CCSER2: variants seen among roughly 807,000 people sequenced by gnomAD.
The protein encoded by CCSER2 is serine-rich coiled-coil domain-containing protein 2.
In CCSER2, 46 loss-of-function variants were observed where a neutral mutation model predicts 92.3. The ratio of observed to expected loss-of-function variants is 0.50; its 90% CI spans 0.39 to 0.64. CCSER2 has a LOEUF of 0.64. Ranked by LOEUF, CCSER2 falls within the 30% of genes least tolerant of loss-of-function variation. The probability of loss-of-function intolerance (pLI) is 0.00; values close to 1 mark genes in which losing one functional copy is unlikely to be tolerated. For synonymous variants in CCSER2, 433 were observed against 431.4 expected (o/e 1.00, Z -0.04); for missense variants, 1,244 against 1,238.9 (o/e 1.00, Z -0.06).
intron 9 of CCSER2, chr10:84,499,990 T>C (rs760876097): frequency 6.2e-7 from 1 of 1,613,892 alleles, no homozygotes; most frequent in Admixed American, 1.7e-5. Context: ...CCTATCCTGC[T>C]CTGGCTTCCC....
At chr10:84,368,213 C>T (rs151127278) in intron 1 of CCSER2, among the ~76,000 whole-genome samples, 157 of 152,238 alleles carry the variant, frequency 1.0e-3, no homozygotes, top group East Asian at 3.3e-3. Flanking sequence ...TTAAAATTTT[C>T]AAGTTTTTTA....
intron 7 of CCSER2, among the ~76,000 whole-genome samples, chr10:84,469,503 T>C (rs538070745): frequency 2.0e-5 from 3 of 152,288 alleles, no homozygotes; most frequent in African/African-American, 7.2e-5. Flanking sequence ...GTTCCCGATG[T>C]AGCTAAAGGG....
chr10:84,459,631 T>C (rs780578832), intron 6 of CCSER2, among the ~76,000 whole-genome samples: 7 of 152,112 alleles, frequency 4.6e-5, no homozygotes, highest in African/African-American at 7.2e-5. Context: ...CAGGTGATTC[T>C]CCCACCTCAT....
chr10:84,333,333 T>C (rs952928655), intron 1 of CCSER2, among the ~76,000 whole-genome samples: 2 of 152,180 alleles, frequency 1.3e-5, no homozygotes, highest in Non-Finnish European at 2.9e-5. Context: ...TGCTGGTTCT[T>C]GGCATGGAGT....
At chr10:84,401,366 C>T (rs952328309) in intron 3 of CCSER2, among the ~76,000 whole-genome samples, 2 of 151,994 alleles carry the variant, frequency 1.3e-5, no homozygotes, top group Non-Finnish European at 2.9e-5. Context: ...AAAAAGATAC[C>T]GCTACAAACT....
intron 6 of CCSER2, among the ~76,000 whole-genome samples, chr10:84,460,506 ATTAAT>A (rs1163266045): frequency 3.3e-5 from 5 of 151,826 alleles, no homozygotes; most frequent in African/African-American, 7.3e-5. Context: ...AATTGATTTT[ATTAAT>A]TTAATTTGAT....
intron 1 of CCSER2, among the ~76,000 whole-genome samples, chr10:84,367,155 C>T (rs1369202848): frequency 2.0e-5 from 3 of 151,810 alleles, no homozygotes; most frequent in African/African-American, 7.3e-5. Flanking sequence ...ATTTCATTAA[C>T]TTAAATAGGA....
At chr10:84,458,676 C>T (rs1022286954) in intron 6 of CCSER2, among the ~76,000 whole-genome samples, 1 of 152,054 alleles carries the variant, frequency 6.6e-6, no homozygotes, top group Non-Finnish European at 1.5e-5. Context: ...AGGATATCTC[C>T]ATTTATTTAG....
intron 9 of CCSER2, among the ~76,000 whole-genome samples, chr10:84,487,196 C>T (rs1416090149): frequency 6.6e-6 from 1 of 152,154 alleles, no homozygotes; most frequent in Non-Finnish European, 1.5e-5. Flanking sequence ...CAGCTTTGTT[C>T]TTTTGGCTTA....
intron 6 of CCSER2, among the ~76,000 whole-genome samples, chr10:84,446,113 A>G (rs564048038): frequency 6.6e-6 from 1 of 152,278 alleles, no homozygotes; most frequent in African/African-American, 2.4e-5. Flanking sequence ...ATCATATCAC[A>G]GTCATCATCT....
chr10:84,484,996 T>C (rs1284562433), intron 9 of CCSER2, among the ~76,000 whole-genome samples: 1 of 152,214 alleles, frequency 6.6e-6, no homozygotes, highest in Non-Finnish European at 1.5e-5. Flanking sequence ...AAATCTGTAT[T>C]TTTCAATACC....
At chr10:84,487,142 T>C (rs548594588) in intron 9 of CCSER2, among the ~76,000 whole-genome samples, 1 of 152,252 alleles carries the variant, frequency 6.6e-6, no homozygotes, top group Non-Finnish European at 1.5e-5. Flanking sequence ...TTTTGGTTAC[T>C]GTAGCCTTGT....
intron 3 of CCSER2, among the ~76,000 whole-genome samples, chr10:84,404,275 C>CT (rs1842266538): frequency 6.6e-6 from 1 of 152,226 alleles, no homozygotes; most frequent in Non-Finnish European, 1.5e-5. Context: ...TCGAAACAAA[C>CT]TTACCCCTCC....
intron 5 of CCSER2, among the ~76,000 whole-genome samples, chr10:84,436,102 G>A (rs1020799982): frequency 6.6e-6 from 1 of 152,050 alleles, no homozygotes; most frequent in African/African-American, 2.4e-5. Flanking sequence ...GGGCGAGGCG[G>A]GCGAATCACG....
At chr10:84,358,385 A>C (rs1845304665) in intron 1 of CCSER2, among the ~76,000 whole-genome samples, 1 of 152,058 alleles carries the variant, frequency 6.6e-6, no homozygotes, top group Admixed American at 6.6e-5. Flanking sequence ...GAGGAGATTC[A>C]TGTCTTTTCC....
intron 3 of CCSER2, among the ~76,000 whole-genome samples, chr10:84,379,444 T>G (rs1390928888): frequency 6.6e-6 from 1 of 152,114 alleles, no homozygotes; most frequent in African/African-American, 2.4e-5. Context: ...TTTTCTTTAG[T>G]TTAATTTGTT....
intron 9 of CCSER2, among the ~76,000 whole-genome samples, chr10:84,495,673 GA>G (rs758338236): frequency 5.3e-5 from 8 of 151,866 alleles, no homozygotes; most frequent in Admixed American, 1.3e-4. Context: ...CTTCTTGGTA[GA>G]TTAACCTTTT....
rs1240622976 is a variant in CCSER2 at position 84,514,458 on chromosome 10, G to T, written c.*191G>T. On this transcript the variant is annotated 3_prime_UTR_variant, in exon 10 of 10. Transcript: ENST00000372088. ...CCTGGTTGAAGTACATGCCATTTGA[G>T]CATAATTATCTCAGGTAAACACGAA... 2 of 557,794 alleles carry T rather than the reference G, an allele frequency of 3.6e-6. No individual in the cohort carries two copies. The highest frequency in any genetic ancestry group is 6.2e-6 in the Non-Finnish European group (2 of 320,300). 34.6% of individuals were successfully genotyped at this position (557,794 alleles called of 1,614,324 possible).
At chr10:84,416,742 C>T (rs1028159529) in intron 3 of CCSER2, among the ~76,000 whole-genome samples, 3 of 152,086 alleles carry the variant, frequency 2.0e-5, no homozygotes, top group African/African-American at 7.2e-5. Flanking sequence ...TCCTGGCCAA[C>T]ACAGTGAAAC....
Sources: allele counts gnomAD v4.1 joint callset (sites outside exome capture counted in the v4.1 genomes callset), GRCh38; gene constraint gnomAD v4.1.1; transcripts MANE v1.5; gene names NCBI Gene and HGNC (gene_info 2026-07-23, HGNC 2026-07-21).